KIRREL1: variants seen among roughly 807,000 people sequenced by gnomAD.
The protein encoded by KIRREL1 is kirre like nephrin family adhesion molecule 1.
KIRREL1 carries 25 observed loss-of-function variants against 83.3 expected under a neutral mutation model. The ratio of observed to expected loss-of-function variants is 0.30; its 90% CI spans 0.22 to 0.42. The LOEUF (loss-of-function observed/expected upper bound fraction) is 0.42. Ranked by LOEUF, KIRREL1 falls within the 10% of genes least tolerant of loss-of-function variation. KIRREL1 has a pLI of 1.00. For missense variants in KIRREL1, 812 were observed against 1,032.3 expected (o/e 0.79, Z 2.92); for synonymous variants, 388 against 410.4 (o/e 0.95, Z 0.66).
At chr1:158,055,923 G>T (rs914831444) in intron 1 of KIRREL1, among the ~76,000 whole-genome samples, 2 of 152,170 alleles carry the variant, frequency 1.3e-5, no homozygotes, top group Non-Finnish European at 1.5e-5. Flanking sequence ...AGTAACTTTG[G>T]CAGCTTTACC....
chr1:158,084,794 A>T (rs1661971714), intron 4 of KIRREL1, among the ~76,000 whole-genome samples: 1 of 152,266 alleles, frequency 6.6e-6, no homozygotes, highest in Non-Finnish European at 1.5e-5. Context: ...GTAGCTGAAC[A>T]GAGACTAATA....
At chr1:158,044,688 G>C (rs137874583) in intron 1 of KIRREL1, among the ~76,000 whole-genome samples, 1 of 152,098 alleles carries the variant, frequency 6.6e-6, no homozygotes, top group African/African-American at 2.4e-5. Context: ...TAGTAGAGAT[G>C]GGGTTTAGCC....
At chr1:158,010,361 A>ACACACAC (rs1491267940) in intron 1 of KIRREL1, among the ~76,000 whole-genome samples, 23 of 51,590 alleles carry the variant, frequency 4.5e-4, no homozygotes, top group African/African-American at 1.1e-3. Context: ...ACACACACAC[A>ACACACAC]CCCCACACAG....
rs956149763 is a variant in KIRREL1 at position 158,086,808 on chromosome 1, GCACACTCTTAGTTTGAGAAA to G, written c.661+67_661+86del. Reference sequence around the variant, plus strand: ...GTGGAAGAAGGGGTGTGTTTGAGAAGCACACTCTTAGTTTGAGAAACACAAACTAAGAGTCCCCCTATGGT... The same window carrying G: ...GTGGAAGAAGGGGTGTGTTTGAGAAGCACAAACTAAGAGTCCCCCTATGGT... On this transcript the variant is annotated intron_variant, in intron 5 of 14. Coordinates refer to ENST00000359209, the MANE Select transcript of KIRREL1 (RefSeq NM_018240.7). 12 of 1,440,568 alleles carry G rather than the reference GCACACTCTTAGTTTGAGAAA, an allele frequency of 8.3e-6. No individual in the cohort carries two copies. In the African/African-American group the frequency reaches 9.9e-5, roughly 12 times the overall value. The allele number at this position is 1,440,568 out of a possible 1,614,324, so 89.2% of individuals were successfully genotyped here.
At chr1:158,038,870 T>C (rs951408250) in intron 1 of KIRREL1, among the ~76,000 whole-genome samples, 4 of 152,148 alleles carry the variant, frequency 2.6e-5, no homozygotes, top group Admixed American at 1.3e-4. Flanking sequence ...TAAACATTGA[T>C]TGGCTCCAGA....
rs1429643267 is a variant in KIRREL1, at chr1:158,084,410, T to C, written c.353-12T>C. 4 of 1,546,944 alleles carry C rather than the reference T, an allele frequency of 2.6e-6. No individual in the cohort carries two copies. Among genetic ancestry groups the C allele is most frequent in the South Asian group, 2.4e-5 (2 of 83,332 alleles). ...ACACCCTGCACTGACTTTGCTCTGC[T>C]TTCTCCCACAGTCCCCCCAGAGGAC... On this transcript the variant is annotated splice_polypyrimidine_tract_variant and intron_variant, in intron 3 of 14. Coordinates refer to ENST00000359209, the MANE Select transcript of KIRREL1 (RefSeq NM_018240.7).
chr1:158,041,193 G>C (rs1660616622), intron 1 of KIRREL1, among the ~76,000 whole-genome samples: 1 of 152,204 alleles, frequency 6.6e-6, no homozygotes, highest in Non-Finnish European at 1.5e-5. Context: ...CTAGAGGGGA[G>C]AACAGGTCCT....
intron 2 of KIRREL1, among the ~76,000 whole-genome samples, chr1:158,076,817 AAGCAAACATAAT>A (rs1661694296): frequency 6.6e-6 from 1 of 152,248 alleles, no homozygotes; most frequent in African/African-American, 2.4e-5. Context: ...GCTGGTGCTG[AAGCAAACATAAT>A]GAGTCAGTCA....
rs578107898 is a variant in KIRREL1 at position 158,032,217 on chromosome 1, G to T, written c.52+38489G>T. On this transcript the variant is annotated intron_variant, in intron 1 of 14. Transcript: ENST00000359209. ...TGTCCATGGGGGAAACTAGATCAGG[G>T]TTGAGAAGTCAGGGGCAGGGATTCT... Among the ~76,000 whole-genome samples the T allele has an allele frequency of 2.6e-5, 4 of 152,354 alleles. No homozygotes were observed. The South Asian group carries it at 8.3e-4, about 32-fold the overall frequency.
intron 1 of KIRREL1, among the ~76,000 whole-genome samples, chr1:158,049,821 C>T (rs3892183): frequency 0.046 from 6,924 of 152,010 alleles, 496 homozygotes; most frequent in African/African-American, 0.16. Flanking sequence ...CTGGGATGAG[C>T]CCCAGGTTTA....
rs201178816 is a variant in KIRREL1 at position 158,095,036 on chromosome 1, C to T, written c.2190C>T (p.Tyr730=). 3.7e-5 allele frequency: 60 copies of T among 1,613,756 alleles called. No homozygotes were observed. The highest frequency in any genetic ancestry group is 6.7e-5 in the East Asian group (3 of 44,866). ...AGGCGTATGACCCCATTGGCAAGTA[C>T]GCCACAGCCACTCGATTCTCCTACA... ...PYEAYDPIGK[Y]ATATRFSYTS... Residue 730 remains tyrosine (Y), a synonymous_variant, in exon 15 of 15, where the codon TAC becomes TAT. Transcript: ENST00000359209.
chr1:157,995,078 G>A (rs941836265), intron 1 of KIRREL1, among the ~76,000 whole-genome samples: 1 of 152,224 alleles, frequency 6.6e-6, no homozygotes, highest in African/African-American at 2.4e-5. Context: ...TCTTTTAGGG[G>A]GTGTCTGGGA....
At chr1:158,045,814 G>T (rs538643844) in intron 1 of KIRREL1, among the ~76,000 whole-genome samples, 1 of 152,258 alleles carries the variant, frequency 6.6e-6, no homozygotes, top group African/African-American at 2.4e-5. Context: ...AGCATCCTCA[G>T]CCCCAATCCA....
At chr1:158,078,182 C>G in intron 3 of KIRREL1, 42 bp downstream of exon 3, 3 of 1,594,826 alleles carry the variant, frequency 1.9e-6, no homozygotes, top group Admixed American at 1.7e-5. Context: ...GGCCCTGTCT[C>G]TCTGTATCCT....
Position 158,095,900 on chromosome 1 carries a change from A to G in KIRREL1, c.*780A>G, listed in dbSNP as rs112663747. ...TAGGACCATGTCCTCATTGACCCAG[A>G]TACTGCTGTGTGCTGCACAGCAGTG... On this transcript the variant is annotated 3_prime_UTR_variant, in exon 15 of 15. Transcript: ENST00000359209. 6.5e-6 allele frequency: 1 copy of G among 152,684 alleles called. No homozygotes were observed. Among genetic ancestry groups the G allele is most frequent in the East Asian group, 1.9e-4 (1 of 5,170 alleles). The allele number at this position is 152,684 out of a possible 1,614,324, so 9.5% of individuals were successfully genotyped here. A position where few individuals can be genotyped will look rare whatever the true frequency, so the allele number is the denominator to read the frequency against.
intron 1 of KIRREL1, among the ~76,000 whole-genome samples, chr1:158,032,863 C>T (rs1011496812): frequency 6.6e-6 from 1 of 152,048 alleles, no homozygotes; most frequent in Non-Finnish European, 1.5e-5. Context: ...CTCCACTTCC[C>T]GCGTTCAAGC....
chr1:158,081,988 G>A (rs550119650), intron 3 of KIRREL1, among the ~76,000 whole-genome samples: 1 of 152,164 alleles, frequency 6.6e-6, no homozygotes, highest in East Asian at 1.9e-4. Context: ...ACTTTAGAGG[G>A]GCCTGAGCAG....
At chr1:158,031,320 C>T (rs60882319) in intron 1 of KIRREL1, among the ~76,000 whole-genome samples, 358 of 151,712 alleles carry the variant, frequency 2.4e-3, no homozygotes, top group African/African-American at 8.4e-3. Flanking sequence ...TTTCTCCCCT[C>T]CACTAAACAC....
intron 3 of KIRREL1, among the ~76,000 whole-genome samples, chr1:158,081,627 A>G (rs1661859813): frequency 6.6e-6 from 1 of 152,232 alleles, no homozygotes; most frequent in South Asian, 2.1e-4. Flanking sequence ...AAACTTGCTT[A>G]TAAACACATG....
Sources: gnomAD v4.1 joint callset for allele counts (sites outside exome capture counted in the v4.1 genomes callset) on GRCh38, gnomAD v4.1.1 for gene constraint, MANE v1.5 for transcripts, NCBI Gene and HGNC (gene_info 2026-07-23, HGNC 2026-07-21) for gene names.